The following KCNS1 variants were observed in gnomAD, a reference collection of about 807,000 sequenced individuals.
The protein encoded by KCNS1 is delayed-rectifier potassium channel regulatory subunit KCNS1.
In KCNS1, 26 loss-of-function variants were observed where a neutral mutation model predicts 33.1. That is an observed-to-expected ratio of 0.79 (90% CI 0.58 to 1.09). KCNS1 has a LOEUF of 1.09. Ranked by LOEUF, KCNS1 falls within the 50% of genes least tolerant of loss-of-function variation. The pLI is 0.00. For synonymous variants in KCNS1, 299 were observed against 338.8 expected, an observed-to-expected ratio of 0.88 and a Z score of 1.29; for missense variants, 702 against 752.4, an observed-to-expected ratio of 0.93 and a Z score of 0.78.
chr20:45,098,775 C>T lies in KCNS1; in HGVS notation c.77-80G>A. ...ACCAGGTTAAAATCCCCTCCTCCAT[C>T]CAACCAGCCAAGGGGTGTTGGAGGC... On this transcript the variant is annotated intron_variant, in intron 2 of 3. Transcript: ENST00000537075. This position sits in a 1 kb window ranked among gnomAD's most constrained non-coding sequence, Gnocchi z 5.2. 6 of 1,230,920 alleles carry T rather than the reference C, an allele frequency of 4.9e-6. No individual in the cohort carries two copies. The highest frequency in any genetic ancestry group is 6.2e-6 in the Non-Finnish European group (6 of 966,992). The allele number at this position is 1,230,920 out of a possible 1,614,324, so 76.2% of individuals were successfully genotyped here.
At chr20:45,100,314 A>G (rs1198237995) in intron 1 of KCNS1, 3 of 152,248 alleles carry the variant, frequency 2.0e-5, no homozygotes, top group Non-Finnish European at 4.4e-5. Context: ...ATCAATGCAC[A>G]ATAAACGTGT....
At position 45,094,239 on chromosome 20, in the gene KCNS1, A is replaced by G. The variant is rs1372875843; in HGVS notation, c.*631T>C. The G allele has an allele frequency of 1.3e-5, 2 of 152,478 alleles. No homozygotes were observed. Among genetic ancestry groups the G allele is most frequent in the Non-Finnish European group, 2.9e-5 (2 of 68,328 alleles). The allele number at this position is 152,478 out of a possible 1,614,324, so 9.4% of individuals were successfully genotyped here. On this transcript the variant is annotated 3_prime_UTR_variant, in exon 4 of 4. Coordinates refer to ENST00000537075, the MANE Select transcript of KCNS1 (RefSeq NM_001322799.2). ...CTGACTCCTGTTGGATGCTCCTAGA[A>G]AGGAACCACAGCTGAGATCCAGAGC... is the stretch of plus-strand genomic sequence containing the variant.
chr20:45,098,264 C>T lies in KCNS1; in HGVS notation c.508G>A (p.Asp170Asn). 1 of 1,594,136 alleles carries T rather than the reference C, an allele frequency of 6.3e-7. No homozygotes were observed. The highest frequency in any genetic ancestry group is 8.5e-7 in the Non-Finnish European group (1 of 1,172,390). Residue 170 changes from aspartate to asparagine, a missense_variant, in exon 3 of 4, where the codon GAC becomes AAC. By Grantham distance (23) the Asp-to-Asn change is conservative (BLOSUM62 1). This residue lies in a region of KCNS1 where 374 missense variants were observed against 352.3 expected (regional missense o/e 1.06). Transcript: ENST00000537075. This position sits in a 1 kb window ranked among gnomAD's most constrained non-coding sequence, Gnocchi z 5.2. ...TCCACGCTGCTCGGCGTGTCGCTGT[C>T]CTCGTCCCAGGCGTGCGGCTGGGTC... The part of the protein sequence containing the change: ...RLTQPHAWDE[D>N]SDTPSSVDPC...
chr20:45,100,024 C>T (rs1291275930), intron 1 of KCNS1: 3 of 152,210 alleles, frequency 2.0e-5, no homozygotes, highest in Admixed American at 6.5e-5. Flanking sequence ...AGCTCTTTTA[C>T]CTCTAGAATG....
chr20:45,099,053 T>C, intron 2 of KCNS1, 108 bp downstream of exon 2: 1 of 1,307,014 alleles, frequency 7.7e-7, no homozygotes, highest in Non-Finnish European at 1.1e-6. Context: ...ATGTCTCCTT[T>C]TCCAGGACAA....
Position 45,094,658 on chromosome 20 carries a change from G to A in KCNS1, c.*212C>T, listed in dbSNP as rs1436187235. 2 of 546,954 alleles carry A rather than the reference G, an allele frequency of 3.7e-6. No individual in the cohort carries two copies. Among genetic ancestry groups the A allele is most frequent in the African/African-American group, 3.8e-5 (2 of 52,868 alleles). The allele number at this position is 546,954 out of a possible 1,614,324, so 33.9% of individuals were successfully genotyped here. ...CTGCTTCATGAATGGCTTGGAGGCA[G>A]GTTTATAAAGCTTTCTGAGTTGCTT... On this transcript the variant is annotated 3_prime_UTR_variant, in exon 4 of 4. Transcript: ENST00000537075.
Position 45,098,904 on chromosome 20 carries a change from G to C in KCNS1, c.77-209C>G, listed in dbSNP as rs1427723022. On this transcript the variant is annotated intron_variant, in intron 2 of 3. Transcript: ENST00000537075. This position sits in a 1 kb window ranked among gnomAD's most constrained non-coding sequence, Gnocchi z 5.2. Reference sequence around the variant, plus strand: ...TGACTATCCTTCATCCCCATCATTTGACTTTGGCCAAATCACTGACCCACC... The same window carrying C: ...TGACTATCCTTCATCCCCATCATTTCACTTTGGCCAAATCACTGACCCACC... 6.6e-6 allele frequency among the ~76,000 whole-genome samples: 1 copy of C among 152,022 alleles called. No individual in the cohort carries two copies. Among genetic ancestry groups the C allele is most frequent in the Non-Finnish European group, 1.5e-5 (1 of 67,984 alleles).
rs1025210016 is a variant in KCNS1 at position 45,091,683 on chromosome 20, C to T, written c.*3187G>A. On this transcript the variant is annotated 3_prime_UTR_variant, in exon 4 of 4. Coordinates refer to ENST00000537075, the MANE Select transcript of KCNS1 (RefSeq NM_001322799.2). ...CTGAGATGAGGTCATCTTGGATTAT[C>T]CTGGTGGGCCTAAATGTCATCAAAA... is the stretch of plus-strand genomic sequence containing the variant. Among the ~76,000 whole-genome samples, 1 of 152,164 alleles carries T rather than the reference C, an allele frequency of 6.6e-6. No individual in the cohort carries two copies. The highest frequency in any genetic ancestry group is 6.5e-5 in the Admixed American group (1 of 15,276).
rs1195885222 is a variant in KCNS1, at chr20:45,092,024, T to A, written c.*2846A>T. On this transcript the variant is annotated 3_prime_UTR_variant, in exon 4 of 4. Transcript: ENST00000537075. Reference sequence around the variant, plus strand: ...ACTAATATATCTTCCAATAAATTCATTTTTTGCTTGATGTCAGTTTGTTGC... The same window carrying A: ...ACTAATATATCTTCCAATAAATTCAATTTTTGCTTGATGTCAGTTTGTTGC... 6.6e-6 allele frequency among the ~76,000 whole-genome samples: 1 copy of A among 152,188 alleles called. No individual in the cohort carries two copies. Among genetic ancestry groups the A allele is most frequent in the African/African-American group, 2.4e-5 (1 of 41,436 alleles).
intron 1 of KCNS1, 111 bp from the exon 2 acceptor site, chr20:45,099,350 C>T: frequency 4.4e-6 from 3 of 679,420 alleles, no homozygotes; most frequent in South Asian, 1.7e-5. Flanking sequence ...GAAAGTGATT[C>T]GGCTACATAG....
In KCNS1 at chr20:45,092,182, G is replaced by T. The variant is rs1981018950; in HGVS notation, c.*2688C>A. 6.6e-6 allele frequency: 1 copy of T among 152,072 alleles called. No homozygotes were observed. Among genetic ancestry groups the T allele is most frequent in the African/African-American group, 2.4e-5 (1 of 41,404 alleles). The allele number at this position is 152,072 out of a possible 1,614,324, so 9.4% of individuals were successfully genotyped here. A position where few individuals can be genotyped will look rare whatever the true frequency, so the allele number is the denominator to read the frequency against. On this transcript the variant is annotated 3_prime_UTR_variant, in exon 4 of 4. Coordinates refer to ENST00000537075, the MANE Select transcript of KCNS1 (RefSeq NM_001322799.2). ...CTGTTCTGGCTGGCACAACCACAAA[G>T]TTTGTGCCAAATCCAGGACTGGAGC...
chr20:45,098,588 G>T lies in KCNS1; in HGVS notation c.184C>A (p.Gln62Lys). 7.2e-7 allele frequency: 1 copy of T among 1,395,296 alleles called. No homozygotes were observed. The highest frequency in any genetic ancestry group is 9.3e-7 in the Non-Finnish European group (1 of 1,071,310). The allele number at this position is 1,395,296 out of a possible 1,614,324, so 86.4% of individuals were successfully genotyped here. The change falls in exon 3 of 4, where the codon CAG becomes AAG. Residue 62 changes from glutamine to lysine, a missense_variant. By Grantham distance (53) the Gln-to-Lys change is moderately conservative. Coordinates refer to ENST00000537075, the MANE Select transcript of KCNS1 (RefSeq NM_001322799.2). This position sits in a 1 kb window ranked among gnomAD's most constrained non-coding sequence, Gnocchi z 5.2. The part of the protein sequence containing the change: ...LRVNVGGVRR[Q>K]LSARALARFP... Reference sequence around the variant, plus strand: ...CGCGCCAGGGCGCGCGCGCTCAGCTGCCGCCGCACGCCACCCACGTTCACG... The same window carrying T: ...CGCGCCAGGGCGCGCGCGCTCAGCTTCCGCCGCACGCCACCCACGTTCACG...
chr20:45,098,291 GC>G lies in KCNS1; in HGVS notation c.480del (p.Leu161Ter). On this transcript the variant is annotated frameshift_variant, in exon 3 of 4. Transcript: ENST00000537075. LOFTEE classifies it high-confidence loss of function. The surrounding 1 kb of genome is among the most constrained non-coding windows in gnomAD (Gnocchi z 5.2). ...ACCRARYLER[R>X]LTQPHAWDED... ...TCGTCCCAGGCGTGCGGCTGGGTCA[GC>G]CGCCTCTCCAGGTAGCGCGCGCGGC... is the stretch of plus-strand genomic sequence containing the variant. 6.3e-7 allele frequency: 1 copy of G among 1,581,048 alleles called. No homozygotes were observed. Among genetic ancestry groups the G allele is most frequent in the East Asian group, 2.3e-5 (1 of 43,234 alleles).
In KCNS1 at chr20:45,098,179, C is replaced by A. The variant is rs550109434; in HGVS notation, c.593G>T (p.Arg198Leu). ...QRELARYGAARCGRLRRRLWL... is the reference protein window; with the variant it reads ...QRELARYGAALCGRLRRRLWL... ...GAGGCGGCGGCGCAGGCGGCCACAG[C>A]GCGCCGCGCCATAGCGCGCCAGTTC... is the stretch of plus-strand genomic sequence containing the variant. The change falls in exon 3 of 4, where the codon CGC becomes CTC. Residue 198 changes from arginine (R) to leucine (L), a missense_variant. By Grantham distance (102) the Arg-to-Leu change is moderately radical. Transcript: ENST00000537075. The surrounding 1 kb of genome is among the most constrained non-coding windows in gnomAD (Gnocchi z 5.2). 5 of 1,602,810 alleles carry A rather than the reference C, an allele frequency of 3.1e-6. No individual in the cohort carries two copies. In the East Asian group the frequency reaches 1.1e-4, roughly 36 times the overall value.
Position 45,092,300 on chromosome 20 carries a change from AAC to A in KCNS1, c.*2568_*2569del, listed in dbSNP as rs1464565992. 7 of 152,058 alleles carry A rather than the reference AAC, an allele frequency of 4.6e-5. No individual in the cohort carries two copies. Among genetic ancestry groups the A allele is most frequent in the African/African-American group, 1.7e-4 (7 of 41,400 alleles). The allele number at this position is 152,058 out of a possible 1,614,324, so 9.4% of individuals were successfully genotyped here. ...AGGGAGCCATCTCCATACAAGCAGAAACACGTCCTGGGGCCCAGCTCTTTATT... is the reference window on the plus strand; with the variant it reads ...AGGGAGCCATCTCCATACAAGCAGAAACGTCCTGGGGCCCAGCTCTTTATT... On this transcript the variant is annotated 3_prime_UTR_variant, in exon 4 of 4. Coordinates refer to ENST00000537075, the MANE Select transcript of KCNS1 (RefSeq NM_001322799.2).
chr20:45,095,025 T>C lies in KCNS1; in HGVS notation c.1426A>G (p.Asn476Asp), dbSNP rs778503757. 2 of 1,613,592 alleles carry C rather than the reference T, an allele frequency of 1.2e-6. No homozygotes were observed. The highest frequency in any genetic ancestry group is 1.7e-6 in the Non-Finnish European group (2 of 1,179,930). Residue 476 changes from asparagine to aspartate, a missense_variant, in exon 4 of 4, where the codon AAC (asparagine) becomes GAC (aspartate). Around this residue, in one of 3 missense-constraint regions of KCNS1, gnomAD observed 75 missense variants for 72.7 expected, o/e 1.03. Transcript: ENST00000537075. ...TCCTCAAACTCTTGGTGGTTGCTGT[T>C]GCGCACGGCTGCCTCCAGAGCCTTC... Reference protein sequence around the residue: ...RQKALEAAVRNSNHQEFEDLL... With the variant: ...RQKALEAAVRDSNHQEFEDLL...
Position 45,094,505 on chromosome 20 carries a change from G to A in KCNS1, c.*365C>T, listed in dbSNP as rs1473810823. On this transcript the variant is annotated 3_prime_UTR_variant, in exon 4 of 4. Coordinates refer to ENST00000537075, the MANE Select transcript of KCNS1 (RefSeq NM_001322799.2). ...GAGGCATCGCTCATCTCTTAGCCTT[G>A]GTTTCCTCATCTGTGAAGTGGGGAT... The A allele has an allele frequency of 5.3e-6, 1 of 187,822 alleles. No homozygotes were observed. The highest frequency in any genetic ancestry group is 1.1e-5 in the Non-Finnish European group (1 of 90,402). 11.6% of individuals were successfully genotyped at this position (187,822 alleles called of 1,614,324 possible).
In KCNS1 at chr20:45,098,831, G is replaced by A. The variant is rs1034180109; in HGVS notation, c.77-136C>T. The A allele has an allele frequency of 3.6e-6, 3 of 840,474 alleles. No homozygotes were observed. Among genetic ancestry groups the A allele is most frequent in the Non-Finnish European group, 5.1e-6 (3 of 588,302 alleles). The allele number at this position is 840,474 out of a possible 1,614,324, so 52.1% of individuals were successfully genotyped here. ...GTGAAGCATCTGGTATGCAGGAGGC[G>A]CTCAGTAGATGTCAGGTGCCCTCTG... On this transcript the variant is annotated intron_variant, in intron 2 of 3. Transcript: ENST00000537075. The surrounding 1 kb of genome is among the most constrained non-coding windows in gnomAD (Gnocchi z 5.2).
chr20:45,095,693 A>G (rs924832434), intron 3 of KCNS1, among the ~76,000 whole-genome samples: 2 of 152,226 alleles, frequency 1.3e-5, no homozygotes, highest in African/African-American at 4.8e-5. Flanking sequence ...ATATTCCACA[A>G]TGCAAAGAGT....
Sources: gnomAD v4.1 joint callset for allele counts (sites outside exome capture counted in the v4.1 genomes callset) on GRCh38, gnomAD v4.1.1 for gene constraint, gnomAD v4.1.1 regional missense constraint, Gnocchi (gnomAD v3.1) non-coding constraint, MANE v1.5 for transcripts, NCBI Gene and HGNC (gene_info 2026-07-23, HGNC 2026-07-21) for gene names.